DNAH3: variants seen among roughly 807,000 people sequenced by gnomAD.
The protein encoded by DNAH3 is axonemal beta dynein heavy chain 3.
A neutral mutation model predicts 432.5 loss-of-function variants in DNAH3; 332 were observed. The ratio of observed to expected loss-of-function variants is 0.77; its 90% CI spans 0.70 to 0.84. DNAH3 has a LOEUF of 0.84. DNAH3 is among the 40% of genes least tolerant of loss of function. The pLI is 0.00. For synonymous variants in DNAH3, 1,956 were observed against 1,900.2 expected (o/e 1.03, Z -0.76); for missense variants, 4,861 against 5,114.0 (o/e 0.95, Z 1.51).
chr16:20,944,007 A>G (rs999785302), intron 58 of DNAH3, among the ~76,000 whole-genome samples: 3 of 151,964 alleles, frequency 2.0e-5, no homozygotes, highest in Non-Finnish European at 2.9e-5. Context: ...AAAAGAAAAG[A>G]AAAACAGCAA....
intron 10 of DNAH3, chr16:21,121,169 A>G (rs1355470336): frequency 6.7e-6 from 3 of 449,582 alleles, no homozygotes; most frequent in Non-Finnish European, 1.3e-5. Context: ...CCTTCCCTAT[A>G]TGGAACTGGA....
intron 37 of DNAH3, among the ~76,000 whole-genome samples, chr16:21,028,882 A>G (rs1597182490): frequency 6.6e-6 from 1 of 152,180 alleles, no homozygotes; most frequent in East Asian, 1.9e-4. Flanking sequence ...CATTCTGCTC[A>G]TCCTAATTTG....
At chr16:21,085,527 C>CAA (rs34136946) in intron 19 of DNAH3, among the ~76,000 whole-genome samples, 21 of 81,298 alleles carry the variant, frequency 2.6e-4, no homozygotes, top group African/African-American at 6.6e-4. Context: ...GATTCCACCT[C>CAA]AAAAAAAAAA....
chr16:21,076,890 T>C (rs1191793436), intron 20 of DNAH3, among the ~76,000 whole-genome samples: 2 of 152,110 alleles, frequency 1.3e-5, no homozygotes, highest in Admixed American at 6.5e-5. Context: ...CAAACTCACA[T>C]AGGCTGAAAT....
At chr16:20,944,831 T>G (rs1449747919) in intron 57 of DNAH3, among the ~76,000 whole-genome samples, 168 bp from the exon 58 acceptor site, 1 of 151,468 alleles carries the variant, frequency 6.6e-6, no homozygotes, top group Non-Finnish European at 1.5e-5. Context: ...TAGCCCTCCC[T>G]CATACAGTTT....
At chr16:21,000,375 G>T (rs1369600800) in exon 43 of DNAH3, 2 of 1,614,028 alleles carry the variant, frequency 1.2e-6, no homozygotes, top group African/African-American at 2.7e-5. Context: ...TTTTGGGAAG[G>T]TGGAGAAGGA....
intron 48 of DNAH3, among the ~76,000 whole-genome samples, chr16:20,983,503 G>A (rs546752678): frequency 1.3e-5 from 2 of 152,224 alleles, no homozygotes; most frequent in East Asian, 3.9e-4. Flanking sequence ...AGTGTGGCTG[G>A]AGCCCTTTGA....
chr16:20,987,416 A>G, exon 47 of DNAH3: 2 of 1,614,176 alleles, frequency 1.2e-6, no homozygotes, highest in South Asian at 1.1e-5. Context: ...GATAAACCTC[A>G]TGGATCCAAA....
intron 21 of DNAH3, among the ~76,000 whole-genome samples, chr16:21,072,618 G>A (rs1194773311): frequency 1.5e-4 from 23 of 151,650 alleles, no homozygotes; most frequent in Non-Finnish European, 4.4e-5. Flanking sequence ...TGACAGGCAC[G>A]AGCCACCATG....
At chr16:20,949,042 C>T (rs1177885298) in intron 56 of DNAH3, among the ~76,000 whole-genome samples, 1 of 152,002 alleles carries the variant, frequency 6.6e-6, no homozygotes, top group African/African-American at 2.4e-5. Flanking sequence ...CCGCTGAGAG[C>T]CACTTTCTTC....
intron 40 of DNAH3, 56 bp from the exon 41 acceptor site, chr16:21,019,925 G>A: frequency 6.3e-7 from 1 of 1,585,748 alleles, no homozygotes. Flanking sequence ...CAGATGTAAG[G>A]GCTGTGAACT....
intron 60 of DNAH3, 28 bp downstream of exon 60, chr16:20,936,621 T>C: frequency 6.4e-7 from 1 of 1,560,498 alleles, no homozygotes; most frequent in South Asian, 1.2e-5. Context: ...GCATGCCAGG[T>C]TCCCGGTTAC....
intron 22 of DNAH3, 135 bp downstream of exon 22, chr16:21,070,575 A>T: frequency 1.6e-6 from 1 of 627,952 alleles, no homozygotes; most frequent in Non-Finnish European, 2.9e-6. Context: ...GAGCCACTGT[A>T]TCATTTATTT....
At chr16:21,141,452 G>A in intron 3 of DNAH3, 80 bp from the exon 5 acceptor site, 1 of 1,054,140 alleles carries the variant, frequency 9.5e-7, no homozygotes, top group Non-Finnish European at 1.4e-6. Flanking sequence ...ATGACTCTCG[G>A]AACAGTCCAG....
chr16:21,127,450 AC>A (rs2092466173), intron 8 of DNAH3, among the ~76,000 whole-genome samples: 1 of 151,796 alleles, frequency 6.6e-6, no homozygotes, highest in Admixed American at 6.6e-5. Context: ...AGTCCCAGCT[AC>A]TGGGGGCGCT....
intron 1 of DNAH3, among the ~76,000 whole-genome samples, chr16:21,156,212 T>C (rs2092896690): frequency 6.7e-6 from 1 of 148,866 alleles, no homozygotes; most frequent in South Asian, 2.1e-4. Context: ...TTATTTTATT[T>C]TATTTTATTT....
intron 37 of DNAH3, among the ~76,000 whole-genome samples, chr16:21,029,085 A>C (rs746464731): frequency 4.6e-5 from 7 of 152,228 alleles, no homozygotes; most frequent in Non-Finnish European, 8.8e-5. Context: ...GAGCAGAGGA[A>C]AACCATTAGG....
At chr16:20,949,784 G>A (rs1460123245) in intron 56 of DNAH3, among the ~76,000 whole-genome samples, 1 of 152,172 alleles carries the variant, frequency 6.6e-6, no homozygotes, top group African/African-American at 2.4e-5. Flanking sequence ...TTTGAGGATT[G>A]TTTGTTATCT....
chr16:21,148,684 A>G (rs1336516946), intron 1 of DNAH3, among the ~76,000 whole-genome samples: 4 of 152,170 alleles, frequency 2.6e-5, no homozygotes, highest in Non-Finnish European at 5.9e-5. Context: ...AACAAATTAA[A>G]CTAGGCTATG....
Sources: gnomAD v4.1 joint callset for allele counts (sites outside exome capture counted in the v4.1 genomes callset) on GRCh38, gnomAD v4.1.1 for gene constraint, MANE v1.5 for transcripts, NCBI Gene and HGNC (gene_info 2026-07-23, HGNC 2026-07-21) for gene names.